SPOCK1: variants seen among roughly 807,000 people sequenced by gnomAD.
SPOCK1 encodes testican-1.
SPOCK1 carries 23 observed loss-of-function variants against 55.3 expected under a neutral mutation model. The ratio of observed to expected loss-of-function variants is 0.42; its 90% CI spans 0.30 to 0.59. The LOEUF (loss-of-function observed/expected upper bound fraction) is 0.59. Ranked by LOEUF, SPOCK1 falls within the 20% of genes least tolerant of loss-of-function variation. The probability of loss-of-function intolerance (pLI) is 0.22; values close to 1 mark genes in which losing one functional copy is unlikely to be tolerated. For synonymous variants in SPOCK1, 226 were observed against 221.0 expected (o/e 1.02, Z -0.20); for missense variants, 499 against 552.5 (o/e 0.90, Z 0.97).
At chr5:137,492,501 T>G (rs1292873939) in intron 2 of SPOCK1, among the ~76,000 whole-genome samples, 2 of 152,214 alleles carry the variant, frequency 1.3e-5, no homozygotes, top group African/African-American at 4.8e-5. Flanking sequence ...CCACAGCTTC[T>G]TAGAATTTTT....
intron 4 of SPOCK1, among the ~76,000 whole-genome samples, chr5:137,139,188 G>A (rs758240564): frequency 9.9e-5 from 15 of 152,170 alleles, no homozygotes; most frequent in South Asian, 2.1e-4. Flanking sequence ...TCTTGCTCTT[G>A]TAGAGACAAA....
Position 137,327,506 on chromosome 5 carries a change from G to T in SPOCK1, c.187-60451C>A, listed in dbSNP as rs565561564. Among the ~76,000 whole-genome samples the T allele has an allele frequency of 5.9e-5, 9 of 152,290 alleles. No homozygotes were observed. The South Asian group carries it at 1.9e-3, about 32-fold the overall frequency. ...CAACTATATCTATTTTGCCATCAGG[G>T]AAACTGAGATACCAGTGGTTGAGAC... On this transcript the variant is annotated intron_variant, in intron 2 of 10. Coordinates refer to ENST00000394945, the MANE Select transcript of SPOCK1 (RefSeq NM_004598.4).
chr5:137,039,877 C>T (rs557862435), intron 6 of SPOCK1, among the ~76,000 whole-genome samples: 1 of 152,366 alleles, frequency 6.6e-6, no homozygotes, highest in African/African-American at 2.4e-5. Flanking sequence ...ACAACAGCTT[C>T]CCTCCATGGT....
intron 6 of SPOCK1, among the ~76,000 whole-genome samples, chr5:137,012,130 C>T (rs890699912): frequency 2.6e-5 from 4 of 152,164 alleles, no homozygotes; most frequent in Non-Finnish European, 5.9e-5. Context: ...CTCATTGACT[C>T]AGCACACGAA....
At chr5:137,470,240 C>T (rs1333309072) in intron 2 of SPOCK1, among the ~76,000 whole-genome samples, 5 of 152,204 alleles carry the variant, frequency 3.3e-5, no homozygotes, top group Non-Finnish European at 7.3e-5. Flanking sequence ...TCCACAAGAG[C>T]AGTGTCTGTG....
intron 6 of SPOCK1, among the ~76,000 whole-genome samples, chr5:137,022,719 T>C (rs1015848727): frequency 6.6e-6 from 1 of 152,184 alleles, no homozygotes; most frequent in African/African-American, 2.4e-5. Flanking sequence ...AAGCATAGGA[T>C]ATATTGCATG....
chr5:137,304,493 G>A (rs538319767), intron 2 of SPOCK1, among the ~76,000 whole-genome samples: 108 of 152,260 alleles, frequency 7.1e-4, no homozygotes, highest in South Asian at 4.6e-3. Context: ...TGTGCGGGGC[G>A]GGGGGACAGG....
At chr5:137,120,866 C>T (rs1753671612) in intron 4 of SPOCK1, among the ~76,000 whole-genome samples, 1 of 152,178 alleles carries the variant, frequency 6.6e-6, no homozygotes, top group Admixed American at 6.5e-5. Flanking sequence ...AAAGTTGTCA[C>T]AGTCAGAGAA....
At chr5:137,420,950 C>T (rs1752478911) in intron 2 of SPOCK1, among the ~76,000 whole-genome samples, 1 of 152,176 alleles carries the variant, frequency 6.6e-6, no homozygotes, top group African/African-American at 2.4e-5. Flanking sequence ...ATAAATTTCC[C>T]TCTACATACT....
chr5:137,499,098 T>G (rs181906366), intron 1 of SPOCK1, 81 bp downstream of exon 1: 1,537 of 152,212 alleles, frequency 0.01, 11 homozygotes, highest in Middle Eastern at 0.027. Flanking sequence ...CCCCAGGCCC[T>G]GACCCTGCCA....
At chr5:137,355,635 G>GAGGT (rs1385597197) in intron 2 of SPOCK1, among the ~76,000 whole-genome samples, 1 of 152,172 alleles carries the variant, frequency 6.6e-6, no homozygotes, top group Non-Finnish European at 1.5e-5. Flanking sequence ...CCATCCTGGA[G>GAGGT]AGGTGCTGGA....
intron 2 of SPOCK1, among the ~76,000 whole-genome samples, chr5:137,492,485 A>G (rs1458115885): frequency 6.6e-6 from 1 of 152,248 alleles, no homozygotes; most frequent in African/African-American, 2.4e-5. Context: ...CCAGCCTTAC[A>G]TAAAACCACA....
chr5:137,480,131 T>C (rs1182314322), intron 2 of SPOCK1, among the ~76,000 whole-genome samples: 1 of 152,182 alleles, frequency 6.6e-6, no homozygotes, highest in Non-Finnish European at 1.5e-5. Flanking sequence ...TTATGCAATC[T>C]GCCAAGATGT....
At chr5:137,004,758 G>A (rs544795124) in intron 6 of SPOCK1, among the ~76,000 whole-genome samples, 4 of 152,206 alleles carry the variant, frequency 2.6e-5, no homozygotes, top group Admixed American at 2.0e-4. Context: ...GGCTTGAACA[G>A]TACAACAGAA....
At chr5:137,069,799 T>C (rs970067469) in intron 5 of SPOCK1, among the ~76,000 whole-genome samples, 3 of 152,238 alleles carry the variant, frequency 2.0e-5, no homozygotes, top group Non-Finnish European at 4.4e-5. Flanking sequence ...TCCTTAAAGC[T>C]AATTTAGGGG....
intron 3 of SPOCK1, among the ~76,000 whole-genome samples, chr5:137,164,761 C>CTG (rs1288175155): frequency 6.6e-6 from 1 of 152,112 alleles, no homozygotes; most frequent in Non-Finnish European, 1.5e-5. Flanking sequence ...CTTAAGGGAA[C>CTG]ATCAACGGTA....
chr5:137,118,958 G>A (rs1157917821), intron 4 of SPOCK1, among the ~76,000 whole-genome samples: 3 of 152,170 alleles, frequency 2.0e-5, no homozygotes, highest in Non-Finnish European at 4.4e-5. Flanking sequence ...TGCCCTGAAC[G>A]CATCTCCCTG....
At position 137,108,810 on chromosome 5, in the gene SPOCK1, T is replaced by C. The variant is rs916999583; in HGVS notation, c.474+3625A>G. ...CAGTATGTATATGCCACTCCTCTTA[T>C]GAAGAATCCGAAGTCATTGCAAAGG... On this transcript the variant is annotated intron_variant, in intron 5 of 10. Transcript: ENST00000394945. Among the ~76,000 whole-genome samples, 4 of 152,156 alleles carry C rather than the reference T, an allele frequency of 2.6e-5. No homozygotes were observed. In the South Asian group the frequency reaches 6.2e-4, roughly 24 times the overall value.
At chr5:136,982,285 GT>G (rs1750747620) in intron 9 of SPOCK1, among the ~76,000 whole-genome samples, 1 of 152,094 alleles carries the variant, frequency 6.6e-6, no homozygotes, top group Admixed American at 6.5e-5. Context: ...AGATATTAAT[GT>G]TGTTTAAAAA....
Sources: allele counts gnomAD v4.1 joint callset (sites outside exome capture counted in the v4.1 genomes callset), GRCh38; gene constraint gnomAD v4.1.1; transcripts MANE v1.5; gene names NCBI Gene and HGNC (gene_info 2026-07-23, HGNC 2026-07-21).